Variants in LYPD6B observed in about 807,000 individuals in gnomAD.
The protein encoded by LYPD6B is ly6/PLAUR domain-containing protein 6B.
Under a neutral mutation model 22.8 loss-of-function variants are expected in LYPD6B, and 17 were observed. The ratio of observed to expected loss-of-function variants is 0.75; its 90% CI spans 0.51 to 1.12. LYPD6B has a LOEUF of 1.12. Among genes scored for constraint, LYPD6B ranks in the 50% most tolerant of loss-of-function variants. The pLI, the probability that LYPD6B is intolerant of heterozygous loss-of-function variation, is 0.00. For missense variants in LYPD6B, 221 were observed against 258.3 expected, an observed-to-expected ratio of 0.86 and a Z score of 0.99; for synonymous variants, 106 against 91.6, an observed-to-expected ratio of 1.16 and a Z score of -0.90.
At chr2:149,060,517 T>C (rs1161675083) in intron 1 of LYPD6B, among the ~76,000 whole-genome samples, 1 of 152,204 alleles carries the variant, frequency 6.6e-6, no homozygotes, top group African/African-American at 2.4e-5. Context: ...AAAAATACTG[T>C]AAAACACAGT....
chr2:149,074,048 AG>A (rs1684768571), intron 1 of LYPD6B, among the ~76,000 whole-genome samples: 1 of 152,216 alleles, frequency 6.6e-6, no homozygotes, highest in South Asian at 2.1e-4. Context: ...ATATTAATCC[AG>A]AAGTTGCAAA....
intron 2 of LYPD6B, chr2:149,153,912 G>T (rs146634202): frequency 1.8e-5 from 3 of 165,284 alleles, no homozygotes; most frequent in Non-Finnish European, 3.7e-5. Flanking sequence ...TGATGCACTT[G>T]TCCTTCATTA....
At chr2:149,084,732 A>G (rs6709402) in intron 1 of LYPD6B, among the ~76,000 whole-genome samples, 5,390 of 152,300 alleles carry the variant, frequency 0.035, 288 homozygotes, top group African/African-American at 0.12. Flanking sequence ...GAATGTTCAG[A>G]TTAATAAGGA....
chr2:149,047,074 A>G (rs1273767054), intron 1 of LYPD6B, among the ~76,000 whole-genome samples: 1 of 152,234 alleles, frequency 6.6e-6, no homozygotes, highest in African/African-American at 2.4e-5. Context: ...CCTGCTTTAG[A>G]CATTCAGTTA....
At chr2:149,204,859 G>T (rs1204367407) in intron 3 of LYPD6B, 1 of 165,124 alleles carries the variant, frequency 6.1e-6, no homozygotes, top group Non-Finnish European at 1.3e-5. Flanking sequence ...TGACAGATAG[G>T]TGGTCCAGTG....
chr2:149,136,455 C>T (rs748863134), intron 2 of LYPD6B, among the ~76,000 whole-genome samples: 6 of 152,236 alleles, frequency 3.9e-5, no homozygotes, highest in Non-Finnish European at 8.8e-5. Context: ...AGGAGATTCG[C>T]TGTTACAACG....
At chr2:149,092,768 G>A (rs2105447429) in intron 1 of LYPD6B, among the ~76,000 whole-genome samples, 1 of 152,310 alleles carries the variant, frequency 6.6e-6, no homozygotes, top group East Asian at 1.9e-4. Flanking sequence ...TGTACCATGA[G>A]GCAGAGGGCC....
At chr2:149,067,955 A>G (rs965433048) in intron 1 of LYPD6B, among the ~76,000 whole-genome samples, 1 of 152,110 alleles carries the variant, frequency 6.6e-6, no homozygotes, top group African/African-American at 2.4e-5. Flanking sequence ...GCCTGATAGG[A>G]GGGGAGAGGG....
At chr2:149,062,478 C>A (rs1391780688) in intron 1 of LYPD6B, among the ~76,000 whole-genome samples, 2 of 152,190 alleles carry the variant, frequency 1.3e-5, no homozygotes, top group Non-Finnish European at 2.9e-5. Flanking sequence ...TTCATCAACT[C>A]TGTTGCTCCA....
chr2:149,076,900 G>C (rs1684903003), intron 1 of LYPD6B, among the ~76,000 whole-genome samples: 1 of 152,194 alleles, frequency 6.6e-6, no homozygotes, highest in South Asian at 2.1e-4. Context: ...TTCCTTGGCT[G>C]TGTAGTGCCA....
chr2:149,161,834 T>G (rs2105887629), intron 3 of LYPD6B, among the ~76,000 whole-genome samples: 1 of 152,326 alleles, frequency 6.6e-6, no homozygotes, highest in South Asian at 2.1e-4. Context: ...TAATGATAAT[T>G]ATATGTTTCA....
At chr2:149,059,021 G>C (rs1427605548) in intron 1 of LYPD6B, among the ~76,000 whole-genome samples, 1 of 152,182 alleles carries the variant, frequency 6.6e-6, no homozygotes, top group Non-Finnish European at 1.5e-5. Context: ...GGGCAGCCAC[G>C]GTCTCCATCT....
At chr2:149,046,785 A>T (rs12692584) in intron 1 of LYPD6B, among the ~76,000 whole-genome samples, 142,156 of 152,204 alleles carry the variant, frequency 0.93, 67,176 homozygotes, top group South Asian at 1. Context: ...TATTTACAGT[A>T]CTTCTCTTTT....
At chr2:149,214,403 C>T in intron 6 of LYPD6B, 143 bp from the exon 7 acceptor site, 1 of 750,860 alleles carries the variant, frequency 1.3e-6, no homozygotes, top group Non-Finnish European at 2.2e-6. Context: ...TACCCAAGAG[C>T]CTAGATGATG....
chr2:149,136,031 G>A (rs1307975743), intron 2 of LYPD6B, among the ~76,000 whole-genome samples: 5 of 152,118 alleles, frequency 3.3e-5, no homozygotes, highest in East Asian at 3.9e-4. Context: ...GGCTGACACT[G>A]TGTCCTTGAG....
At chr2:149,167,108 G>C (rs1383154109) in intron 3 of LYPD6B, among the ~76,000 whole-genome samples, 1 of 150,854 alleles carries the variant, frequency 6.6e-6, no homozygotes, top group East Asian at 2.0e-4. Flanking sequence ...ATTCAAACCA[G>C]CTGGGACAGT....
chr2:149,201,398 A>C (rs11894546), intron 3 of LYPD6B, among the ~76,000 whole-genome samples: 1 of 152,036 alleles, frequency 6.6e-6, no homozygotes, highest in African/African-American at 2.4e-5. Context: ...TATAAGCTCT[A>C]TTGTGACCTT....
intron 1 of LYPD6B, among the ~76,000 whole-genome samples, chr2:149,104,354 T>A (rs796584746): frequency 6.6e-6 from 1 of 152,188 alleles, no homozygotes; most frequent in Non-Finnish European, 1.5e-5. Context: ...CCATAAGCAA[T>A]GTATGAGAGT....
At chr2:149,162,214 A>T (rs1285926446) in intron 3 of LYPD6B, among the ~76,000 whole-genome samples, 2 of 152,170 alleles carry the variant, frequency 1.3e-5, no homozygotes, top group Non-Finnish European at 2.9e-5. Context: ...CTCTATCACC[A>T]CCATCACTAC....
Sources: gnomAD v4.1 joint callset for allele counts (sites outside exome capture counted in the v4.1 genomes callset) on GRCh38, gnomAD v4.1.1 for gene constraint, MANE v1.5 for transcripts, NCBI Gene and HGNC (gene_info 2026-07-23, HGNC 2026-07-21) for gene names.